Variants in PAQR8 observed in about 807,000 individuals in gnomAD.
PAQR8 encodes progestin and adipoQ receptor family member 8, also known as membrane progestin receptor beta.
In PAQR8, 17 loss-of-function variants were observed where a neutral mutation model predicts 25.2. That is an observed-to-expected ratio of 0.67 (90% CI 0.46 to 1.01). The LOEUF is 1.01. Among genes scored for constraint, PAQR8 ranks in the 50% least tolerant of loss-of-function variants. The pLI is 0.00. For synonymous variants in PAQR8, 204 were observed against 190.6 expected (o/e 1.07, Z -0.58); for missense variants, 392 against 448.4 (o/e 0.87, Z 1.14).
intron 1 of PAQR8, among the ~76,000 whole-genome samples, chr6:52,366,013 A>T (rs2113932211): frequency 6.6e-6 from 1 of 152,312 alleles, no homozygotes. Context: ...CACGTATTGA[A>T]AGAGACGATT....
chr6:52,373,188 C>G (rs534644042), intron 1 of PAQR8, among the ~76,000 whole-genome samples: 1 of 152,160 alleles, frequency 6.6e-6, no homozygotes, highest in Admixed American at 6.5e-5. Flanking sequence ...CATTTAGGTA[C>G]ACAGGGACAG....
chr6:52,394,894 A>C (rs1234916103), intron 1 of PAQR8, among the ~76,000 whole-genome samples: 1 of 152,112 alleles, frequency 6.6e-6, no homozygotes, highest in Non-Finnish European at 1.5e-5. Context: ...ATTTTTAACC[A>C]TGAACTTGGG....
chr6:52,387,108 A>G (rs2113944353), intron 1 of PAQR8, among the ~76,000 whole-genome samples: 1 of 152,258 alleles, frequency 6.6e-6, no homozygotes, highest in African/African-American at 2.4e-5. Flanking sequence ...CTGATTATTA[A>G]TTACTACTTC....
rs986127222 is a variant in PAQR8 at position 52,370,518 on chromosome 6, G to A, written c.-53+8269G>A. On this transcript the variant is annotated intron_variant, in intron 1 of 1. Coordinates refer to ENST00000442253, the MANE Select transcript of PAQR8 (RefSeq NM_133367.5). ...TCCATGAAGGAGAAAACTTTAGAAC[G>A]TTTATAATTGTGTGTAGGACTCTGA... 3.9e-5 allele frequency among the ~76,000 whole-genome samples: 6 copies of A among 152,174 alleles called. No homozygotes were observed. In the East Asian group the frequency reaches 5.8e-4, roughly 15 times the overall value.
chr6:52,386,805 C>T (rs1261356560), intron 1 of PAQR8, among the ~76,000 whole-genome samples: 3 of 152,094 alleles, frequency 2.0e-5, no homozygotes, highest in African/African-American at 7.2e-5. Flanking sequence ...GCACATATAC[C>T]TCCTGAATAG....
intron 1 of PAQR8, among the ~76,000 whole-genome samples, chr6:52,383,767 C>T (rs990682249): frequency 1.3e-5 from 2 of 151,834 alleles, no homozygotes. Context: ...TGATATCAAG[C>T]AGTGGTTGAT....
intron 1 of PAQR8, among the ~76,000 whole-genome samples, chr6:52,375,141 G>T (rs1015848098): frequency 6.6e-6 from 1 of 152,104 alleles, no homozygotes; most frequent in Admixed American, 6.5e-5. Flanking sequence ...CAGCTCGGGG[G>T]TGGCAAATAT....
chr6:52,365,558 C>T (rs1012363062), intron 1 of PAQR8, among the ~76,000 whole-genome samples: 2 of 152,094 alleles, frequency 1.3e-5, no homozygotes, highest in African/African-American at 4.8e-5. Context: ...TCTACTTATT[C>T]TTGTTAGGAA....
chr6:52,368,786 A>C (rs1264028171), intron 1 of PAQR8, among the ~76,000 whole-genome samples: 1 of 151,976 alleles, frequency 6.6e-6, no homozygotes, highest in Non-Finnish European at 1.5e-5. Context: ...ACAGATGAAG[A>C]GTGATATGGT....
At chr6:52,387,166 G>T (rs1763642849) in intron 1 of PAQR8, among the ~76,000 whole-genome samples, 1 of 152,194 alleles carries the variant, frequency 6.6e-6, no homozygotes, top group African/African-American at 2.4e-5. Context: ...GTCTTCAGGG[G>T]TGCCCTTAGG....
chr6:52,387,256 G>A (rs1763644024), intron 1 of PAQR8, among the ~76,000 whole-genome samples: 1 of 152,226 alleles, frequency 6.6e-6, no homozygotes, highest in Non-Finnish European at 1.5e-5. Context: ...AGGATTCCTA[G>A]TCCATCAGCA....
chr6:52,374,565 C>T (rs1763460180), intron 1 of PAQR8, among the ~76,000 whole-genome samples: 1 of 152,118 alleles, frequency 6.6e-6, no homozygotes, highest in Non-Finnish European at 1.5e-5. Context: ...AGTCACATAC[C>T]ACGATGCCCA....
chr6:52,383,390 G>C (rs927479703), intron 1 of PAQR8, among the ~76,000 whole-genome samples: 1 of 152,158 alleles, frequency 6.6e-6, no homozygotes, highest in Admixed American at 6.5e-5. Flanking sequence ...GGCCGGGCGC[G>C]GTGGCTCACG....
chr6:52,390,056 A>G (rs1763682316), intron 1 of PAQR8, among the ~76,000 whole-genome samples: 1 of 152,244 alleles, frequency 6.6e-6, no homozygotes, highest in African/African-American at 2.4e-5. Context: ...CCTTTACTCA[A>G]ACAAGAAGCC....
At chr6:52,370,444 CT>C (rs1165743383) in intron 1 of PAQR8, among the ~76,000 whole-genome samples, 1 of 152,134 alleles carries the variant, frequency 6.6e-6, no homozygotes, top group African/African-American at 2.4e-5. Context: ...TAAAGCACGT[CT>C]TTTTGTGCTT....
At chr6:52,398,710 T>C (rs1335642912) in intron 1 of PAQR8, among the ~76,000 whole-genome samples, 1 of 152,036 alleles carries the variant, frequency 6.6e-6, no homozygotes, top group African/African-American at 2.4e-5. Context: ...CCGGCCACCA[T>C]GCCCAGCTAA....
chr6:52,398,760 G>A lies in PAQR8; in HGVS notation c.-52-4402G>A, dbSNP rs1243466124. The stretch of plus-strand genomic sequence containing the variant: ...GTAGAGATGGTGTTTCAGCATGTTG[G>A]TCAGGGTGGTCCCGAACTCCTGACC... On this transcript the variant is annotated intron_variant, in intron 1 of 1. Transcript: ENST00000442253. Among the ~76,000 whole-genome samples the A allele has an allele frequency of 2.6e-5, 4 of 151,946 alleles. No homozygotes were observed. The East Asian group carries it at 5.8e-4, about 22-fold the overall frequency.
At chr6:52,392,094 C>T (rs1004429289) in intron 1 of PAQR8, among the ~76,000 whole-genome samples, 11 of 152,110 alleles carry the variant, frequency 7.2e-5, no homozygotes, top group Admixed American at 5.9e-4. Context: ...TCACTTAGAG[C>T]ACTTTGGGAG....
At chr6:52,389,101 GA>G (rs1763666517) in intron 1 of PAQR8, among the ~76,000 whole-genome samples, 1 of 152,206 alleles carries the variant, frequency 6.6e-6, no homozygotes, top group South Asian at 2.1e-4. Context: ...GGTAGGAGAT[GA>G]TAGACCAAAA....
Sources: allele counts gnomAD v4.1 joint callset (sites outside exome capture counted in the v4.1 genomes callset), GRCh38; gene constraint gnomAD v4.1.1; transcripts MANE v1.5; gene names NCBI Gene and HGNC (gene_info 2026-07-23, HGNC 2026-07-21).